NECAB1: variants seen among roughly 807,000 people sequenced by gnomAD.
NECAB1 encodes N-terminal EF-hand calcium binding protein 1.
NECAB1 carries 29 observed loss-of-function variants against 57.5 expected under a neutral mutation model. The ratio of observed to expected loss-of-function variants is 0.50; its 90% CI spans 0.38 to 0.69. The LOEUF is 0.69. NECAB1 is among the 30% of genes least tolerant of loss of function. The pLI, the probability that NECAB1 is intolerant of heterozygous loss-of-function variation, is 0.00. For synonymous variants in NECAB1, 142 were observed against 147.7 expected (o/e 0.96, Z 0.28); for missense variants, 372 against 413.8 (o/e 0.90, Z 0.88).
chr8:90,879,135 A>AGG lies in NECAB1; in HGVS notation c.260-1898_260-1897insGG, dbSNP rs1586079160. ...ATATATAGATATCTATATATAATAT[A>AGG]TATATATCGAGAGAGAGAGTGTTGC... On this transcript the variant is annotated intron_variant, in intron 4 of 12. Transcript: ENST00000417640. Among the ~76,000 whole-genome samples, 8 of 141,478 alleles carry AGG rather than the reference A, an allele frequency of 5.7e-5. No individual in the cohort carries two copies. The East Asian group carries it at 1.4e-3, about 24-fold the overall frequency. 92.8% of individuals were successfully genotyped at this position (141,478 alleles called of 152,430 possible). A position where few individuals can be genotyped will look rare whatever the true frequency, so the allele number is the denominator to read the frequency against.
intron 1 of NECAB1, among the ~76,000 whole-genome samples, chr8:90,794,650 C>T (rs1811631477): frequency 6.6e-6 from 1 of 152,168 alleles, no homozygotes; most frequent in African/African-American, 2.4e-5. Context: ...GTTGGCTTTT[C>T]CTTCAGTATC....
At position 90,909,412 on chromosome 8, in the gene NECAB1, C is replaced by A. The variant is rs190215946; in HGVS notation, c.358-8080C>A. 1.3e-3 allele frequency among the ~76,000 whole-genome samples: 192 copies of A among 151,554 alleles called. 1 individual carries two copies. Among genetic ancestry groups the A allele is most frequent in the African/African-American group, 4.6e-3 (190 of 41,358 alleles). On this transcript the variant is annotated intron_variant, in intron 5 of 12. Coordinates refer to ENST00000417640, the MANE Select transcript of NECAB1 (RefSeq NM_022351.5). ...AATGTTGCCTGGATCTGGTCTAGAT[C>A]ACCAGTATTTATGTTGAAGTCTCCC...
chr8:90,926,706 TGG>T (rs1563537537), intron 7 of NECAB1, among the ~76,000 whole-genome samples: 1 of 152,122 alleles, frequency 6.6e-6, no homozygotes, highest in Non-Finnish European at 1.5e-5. Flanking sequence ...CTTCTCCTAG[TGG>T]GTGTCAGAAG....
intron 1 of NECAB1, among the ~76,000 whole-genome samples, chr8:90,792,811 G>C (rs1377695174): frequency 1.3e-5 from 2 of 152,034 alleles, no homozygotes; most frequent in Non-Finnish European, 2.9e-5. Flanking sequence ...CCTGCCTGCT[G>C]TTTCTGTTTT....
intron 5 of NECAB1, among the ~76,000 whole-genome samples, chr8:90,907,151 TGAGAGAGAGAGA>T (rs71266152): frequency 2.0e-5 from 2 of 102,042 alleles, no homozygotes; most frequent in Non-Finnish European, 3.7e-5. Context: ...TGTGTGTGTG[TGAGAGAGAGAGA>T]GAGAGAGAGA....
chr8:90,912,230 A>G (rs1809847576), intron 5 of NECAB1, among the ~76,000 whole-genome samples: 1 of 152,124 alleles, frequency 6.6e-6, no homozygotes, highest in African/African-American at 2.4e-5. Flanking sequence ...GCAGAATGGG[A>G]TTGTCCTTTA....
intron 3 of NECAB1, among the ~76,000 whole-genome samples, chr8:90,857,487 G>A (rs1021665461): frequency 6.6e-6 from 1 of 152,036 alleles, no homozygotes; most frequent in Non-Finnish European, 1.5e-5. Context: ...TAATTTTAGT[G>A]GCTAACCTCT....
At chr8:90,864,798 C>T (rs1409836021) in intron 3 of NECAB1, among the ~76,000 whole-genome samples, 1 of 152,092 alleles carries the variant, frequency 6.6e-6, no homozygotes, top group African/African-American at 2.4e-5. Flanking sequence ...TGGCGCATGG[C>T]TTATGTCATC....
rs759998898 is a variant in NECAB1, at chr8:90,940,806, G to C, written c.768G>C (p.Arg256=). ...NTKSHIMLVQ[R]QMSVIEEDLE... ...GGCAGCACATCATGCTTGTGCAGCG[G>C]CAGATGTCTGTGATAGAAGAGGACC... The change falls in exon 10 of 13, where the codon CGG becomes CGC. Residue 256 remains arginine, a synonymous_variant. Coordinates refer to ENST00000417640, the MANE Select transcript of NECAB1 (RefSeq NM_022351.5). The C allele has an allele frequency of 5.5e-5, 86 of 1,561,614 alleles. No homozygotes were observed. The highest frequency in any genetic ancestry group is 7.2e-5 in the Non-Finnish European group (83 of 1,152,520).
intron 2 of NECAB1, among the ~76,000 whole-genome samples, chr8:90,808,728 C>T (rs1811900632): frequency 6.9e-6 from 1 of 144,894 alleles, no homozygotes; most frequent in Non-Finnish European, 1.5e-5. Flanking sequence ...TCACTGCAAC[C>T]TCCACCTGCC....
At chr8:90,940,729 A>C (rs1376912566) in intron 9 of NECAB1, 57 bp from the exon 10 acceptor site, 1 of 1,307,742 alleles carries the variant, frequency 7.6e-7, no homozygotes, top group Non-Finnish European at 1.1e-6. Flanking sequence ...AGTAGGAGTC[A>C]GCTTAAATCG....
At chr8:90,854,859 C>T (rs995052712) in intron 3 of NECAB1, among the ~76,000 whole-genome samples, 3 of 152,172 alleles carry the variant, frequency 2.0e-5, no homozygotes, top group African/African-American at 7.2e-5. Context: ...CAAGAATGCT[C>T]CCAGGCAAAT....
At chr8:90,937,646 T>C (rs1036778859) in intron 9 of NECAB1, among the ~76,000 whole-genome samples, 1 of 152,194 alleles carries the variant, frequency 6.6e-6, no homozygotes, top group South Asian at 2.1e-4. Flanking sequence ...AAGATGATCA[T>C]TTTCCAGATA....
At chr8:90,942,967 T>C (rs533186804) in intron 10 of NECAB1, among the ~76,000 whole-genome samples, 25 of 152,314 alleles carry the variant, frequency 1.6e-4, no homozygotes, top group African/African-American at 6.0e-4. Flanking sequence ...AAACTCTTTT[T>C]AATGAGGATA....
intron 4 of NECAB1, among the ~76,000 whole-genome samples, chr8:90,877,229 T>C (rs1353968285): frequency 6.6e-6 from 1 of 152,172 alleles, no homozygotes; most frequent in Non-Finnish European, 1.5e-5. Context: ...TTCAAAGCTT[T>C]GGCATGGCTC....
chr8:90,861,994 G>A (rs1162527559), intron 3 of NECAB1, among the ~76,000 whole-genome samples: 2 of 152,154 alleles, frequency 1.3e-5, no homozygotes, highest in African/African-American at 4.8e-5. Context: ...GAATAGTTAG[G>A]AACACACTAA....
chr8:90,947,307 C>A (rs2879409), intron 10 of NECAB1, among the ~76,000 whole-genome samples: 58 of 116,618 alleles, frequency 5.0e-4, no homozygotes, highest in African/African-American at 1.3e-3. Context: ...AACACATACA[C>A]ACACACACAC....
chr8:90,907,403 A>G (rs1172927165), intron 5 of NECAB1, among the ~76,000 whole-genome samples: 5 of 152,176 alleles, frequency 3.3e-5, no homozygotes, highest in African/African-American at 1.2e-4. Flanking sequence ...ATTTTCTTGA[A>G]CATGTGTGAG....
intron 5 of NECAB1, among the ~76,000 whole-genome samples, chr8:90,899,738 G>C (rs993814744): frequency 6.6e-6 from 1 of 152,062 alleles, no homozygotes; most frequent in Non-Finnish European, 1.5e-5. Flanking sequence ...TTATACCTTT[G>C]ATTCAGAAAG....
Sources: gnomAD v4.1 joint callset for allele counts (sites outside exome capture counted in the v4.1 genomes callset) on GRCh38, gnomAD v4.1.1 for gene constraint, MANE v1.5 for transcripts, NCBI Gene and HGNC (gene_info 2026-07-23, HGNC 2026-07-21) for gene names.